POLA2: variants seen among roughly 807,000 people sequenced by gnomAD.
The protein encoded by POLA2 is DNA polymerase alpha 2, accessory subunit.
In POLA2, 47 loss-of-function variants were observed where a neutral mutation model predicts 82.8. That is an observed-to-expected ratio of 0.57 (90% CI 0.45 to 0.72). The LOEUF (loss-of-function observed/expected upper bound fraction) is 0.72. POLA2 is among the 30% of genes least tolerant of loss of function. POLA2 has a pLI of 0.00. For missense variants in POLA2, 634 were observed against 728.1 expected (o/e 0.87, Z 1.49); for synonymous variants, 287 against 286.8 (o/e 1.00, Z -0.01).
chr11:65,302,999 C>T (rs1949866831), downstream of POLA2, among the ~76,000 whole-genome samples: 1 of 152,164 alleles, frequency 6.6e-6, no homozygotes, highest in Admixed American at 6.5e-5. Context: ...GCATGAACCA[C>T]CACACCCAGC....
At chr11:65,303,290 G>A (rs1188941096), downstream of POLA2, among the ~76,000 whole-genome samples, 7 of 150,778 alleles carry the variant, frequency 4.6e-5, no homozygotes, top group South Asian at 2.1e-4. Context: ...TGCAGTAAGC[G>A]GAGATCGCAC....
intron 9 of POLA2, among the ~76,000 whole-genome samples, chr11:65,282,064 A>G (rs150137500): frequency 1.3e-5 from 2 of 152,198 alleles, no homozygotes; most frequent in African/African-American, 4.8e-5. Context: ...GCTGCAGCCA[A>G]ATTTGGCCCA....
intron 17 of POLA2, among the ~76,000 whole-genome samples, chr11:65,296,702 T>C (rs1017527451): frequency 6.6e-6 from 1 of 152,132 alleles, no homozygotes; most frequent in Non-Finnish European, 1.5e-5. Context: ...ATCCCAGCAC[T>C]TTGGGAGGCC....
At chr11:65,275,366 CA>C (rs760641138) in intron 4 of POLA2, among the ~76,000 whole-genome samples, 25,223 of 85,782 alleles carry the variant, frequency 0.29, 2,350 homozygotes, top group African/African-American at 0.42. Flanking sequence ...GTTGATGAGT[CA>C]AAAAAAAAAA....
intron 1 of POLA2, among the ~76,000 whole-genome samples, chr11:65,266,100 C>T (rs983755074): frequency 6.6e-6 from 1 of 152,200 alleles, no homozygotes; most frequent in Non-Finnish European, 1.5e-5. Flanking sequence ...TCTCCTCTCT[C>T]TCCTCAGAGT....
intron 10 of POLA2, among the ~76,000 whole-genome samples, chr11:65,286,411 T>A (rs568377466): frequency 4.7e-4 from 71 of 151,984 alleles, no homozygotes; most frequent in African/African-American, 1.7e-3. Context: ...CTTTTTTTTT[T>A]CTTTTTTTTT....
chr11:65,262,374 G>T lies in POLA2; in HGVS notation c.79+3G>T, dbSNP rs762342579. ...CGAGGAGGCTCTAATTGAGAAATGT[G>T]AGTCCCGCACCCCTCCCGCCCTGCA... is the stretch of plus-strand genomic sequence containing the variant. On this transcript the variant is annotated splice_donor_region_variant and intron_variant, in intron 1 of 17. Transcript: ENST00000265465. The T allele has an allele frequency of 1.2e-6, 2 of 1,611,460 alleles. No individual in the cohort carries two copies. Among genetic ancestry groups the T allele is most frequent in the East Asian group, 2.2e-5 (1 of 44,754 alleles).
intron 2 of POLA2, 144 bp downstream of exon 2, chr11:65,266,850 C>T: frequency 1.4e-6 from 1 of 725,578 alleles, no homozygotes; most frequent in East Asian, 2.7e-5. Flanking sequence ...AAACTATGTC[C>T]CTGAGCCTCA....
chr11:65,297,041 T>C, intron 17 of POLA2, 79 bp from the exon 18 acceptor site: 3 of 1,493,206 alleles, frequency 2.0e-6, no homozygotes, highest in Non-Finnish European at 2.8e-6. Flanking sequence ...GGTCCAGCCA[T>C]GTGATGGCAC....
chr11:65,273,651 C>CT (rs961547385), intron 4 of POLA2, among the ~76,000 whole-genome samples: 236 of 149,052 alleles, frequency 1.6e-3, no homozygotes, highest in Non-Finnish European at 2.3e-3. Flanking sequence ...ATTATAAAAT[C>CT]TTTTTTTTTT....
At chr11:65,264,964 C>T (rs1034493913) in intron 1 of POLA2, among the ~76,000 whole-genome samples, 3 of 152,216 alleles carry the variant, frequency 2.0e-5, no homozygotes, top group African/African-American at 7.2e-5. Flanking sequence ...GGTGCGGTGG[C>T]TCACGCCTGT....
intron 10 of POLA2, among the ~76,000 whole-genome samples, chr11:65,283,980 A>AG (rs1949668001): frequency 6.6e-6 from 1 of 151,744 alleles, no homozygotes; most frequent in Non-Finnish European, 1.5e-5. Context: ...AAAAAAAAAA[A>AG]AAAATTAGCT....
intron 1 of POLA2, 52 bp downstream of exon 1, chr11:65,262,423 A>G (rs748963678): frequency 5.4e-6 from 8 of 1,487,060 alleles, no homozygotes; most frequent in Non-Finnish European, 7.4e-6. Context: ...CTCTCGCCCG[A>G]GTTCCTCGGC....
chr11:65,289,869 G>T lies in POLA2; in HGVS notation c.1241G>T (p.Arg414Ile). Residue 414 changes from arginine to isoleucine, a missense_variant, in exon 13 of 18, where the codon AGA (arginine) becomes ATA (isoleucine). Coordinates refer to ENST00000265465, the MANE Select transcript of POLA2 (RefSeq NM_002689.4). The part of the protein sequence containing the change: ...QCLRTIIEGT[R>I]SSGSHLVFVP... The stretch of plus-strand genomic sequence containing the variant: ...CTACGAACAATTATTGAAGGCACAA[G>T]AAGGTCAGATTTCAAAATACTGGAC... The T allele has an allele frequency of 6.3e-7, 1 of 1,596,884 alleles. No individual in the cohort carries two copies. Among genetic ancestry groups the T allele is most frequent in the East Asian group, 2.2e-5 (1 of 44,790 alleles).
At chr11:65,294,771 C>G (rs1949792385) in intron 15 of POLA2, 119 bp downstream of exon 15, 2 of 669,562 alleles carry the variant, frequency 3.0e-6, no homozygotes, top group South Asian at 3.8e-5. Context: ...CTGAAAGCAG[C>G]AAGCTGTGCC....
intron 3 of POLA2, among the ~76,000 whole-genome samples, 163 bp downstream of exon 3, chr11:65,267,731 G>A (rs903644217): frequency 1.3e-5 from 2 of 152,042 alleles, no homozygotes; most frequent in South Asian, 4.1e-4. Context: ...GATCACTTGA[G>A]CCCAGGAATT....
chr11:65,293,730 C>G (rs983704541), intron 13 of POLA2, among the ~76,000 whole-genome samples: 1 of 152,052 alleles, frequency 6.6e-6, no homozygotes, highest in African/African-American at 2.4e-5. Flanking sequence ...TTACTGCCTG[C>G]AGGCTACACC....
At chr11:65,272,304 A>C (rs571575053) in intron 4 of POLA2, among the ~76,000 whole-genome samples, 38 of 152,080 alleles carry the variant, frequency 2.5e-4, no homozygotes, top group Non-Finnish European at 5.3e-4. Context: ...GTGAGACTCC[A>C]TCTCAAAAAA....
At chr11:65,285,679 G>T (rs1590904510) in intron 10 of POLA2, among the ~76,000 whole-genome samples, 1 of 152,130 alleles carries the variant, frequency 6.6e-6, no homozygotes, top group African/African-American at 2.4e-5. Flanking sequence ...AATCAACCTG[G>T]CTGAGATACC....
Sources: allele counts gnomAD v4.1 joint callset (sites outside exome capture counted in the v4.1 genomes callset), GRCh38; gene constraint gnomAD v4.1.1; transcripts MANE v1.5; gene names NCBI Gene and HGNC (gene_info 2026-07-23, HGNC 2026-07-21).